The following COX11 variants were observed in gnomAD, a reference collection of about 807,000 sequenced individuals.
COX11 encodes cytochrome c oxidase copper chaperone COX11.
COX11 carries 18 observed loss-of-function variants against 29.4 expected under a neutral mutation model. The ratio of observed to expected loss-of-function variants is 0.61; its 90% CI spans 0.42 to 0.91. The LOEUF is 0.91. Ranked by LOEUF, COX11 falls within the 40% of genes least tolerant of loss-of-function variation. The probability of loss-of-function intolerance (pLI) is 0.00; values close to 1 mark genes in which losing one functional copy is unlikely to be tolerated. For missense variants in COX11, 312 were observed against 346.0 expected (o/e 0.90, Z 0.78); for synonymous variants, 131 against 124.0 (o/e 1.06, Z -0.38).
chr17:54,967,042 G>A (rs8072231), intron 1 of COX11, among the ~76,000 whole-genome samples: 5,336 of 95,992 alleles, frequency 0.056, 343 homozygotes, highest in African/African-American at 0.15. Flanking sequence ...GCGCGCGCGC[G>A]CACACACACA....
chr17:54,963,332 C>G lies in COX11; in HGVS notation c.622G>C (p.Ala208Pro). Residue 208 changes from alanine to proline, a missense_variant, in exon 3 of 4, where the codon GCT becomes CCT. Transcript: ENST00000299335. The part of the protein sequence containing the change: ...ISTYNIVPFE[A>P]GQYFNKIQCF... ...TGTATTTTATTGAAATACTGTCCAGCTTCAAATGGAACAATATTGTATGTA... is the reference window on the plus strand; with the variant it reads ...TGTATTTTATTGAAATACTGTCCAGGTTCAAATGGAACAATATTGTATGTA... 1.9e-6 allele frequency: 3 copies of G among 1,611,664 alleles called. No homozygotes were observed. The highest frequency in any genetic ancestry group is 2.5e-6 in the Non-Finnish European group (3 of 1,178,742).
At chr17:54,967,882 G>A (rs12945393) in intron 1 of COX11, among the ~76,000 whole-genome samples, 77,106 of 151,678 alleles carry the variant, frequency 0.51, 20,204 homozygotes, top group Non-Finnish European at 0.57. Context: ...AGTTACCCTT[G>A]GCACATAAAC....
downstream of COX11, among the ~76,000 whole-genome samples, chr17:54,958,652 C>T (rs1256816301): frequency 6.8e-6 from 1 of 146,724 alleles, no homozygotes; most frequent in Non-Finnish European, 1.5e-5. Context: ...ATCGTTTGAA[C>T]CCAGGAGGTA....
chr17:54,966,548 T>C (rs1387544105), intron 1 of COX11, among the ~76,000 whole-genome samples: 1 of 152,180 alleles, frequency 6.6e-6, no homozygotes. Flanking sequence ...AGCCTCTACC[T>C]ATTAGATGCC....
chr17:54,959,483 AAAAAAG>A (rs1362791375), downstream of COX11: 1 of 152,444 alleles, frequency 6.6e-6, no homozygotes, highest in Admixed American at 6.5e-5. Context: ...CAAAAAAAAG[AAAAAAG>A]AAAAACGAAT....
downstream of COX11, among the ~76,000 whole-genome samples, chr17:54,955,671 C>T (rs1340963027): frequency 3.3e-5 from 5 of 152,014 alleles, no homozygotes; most frequent in South Asian, 2.1e-4. Flanking sequence ...CTTGTTAAAA[C>T]GATGGCGATG....
exon 1 of COX11, chr17:54,955,079 C>T (rs1478451636): frequency 1.3e-5 from 2 of 152,208 alleles, no homozygotes; most frequent in Admixed American, 1.3e-4. Flanking sequence ...TCTACGGTCT[C>T]TGCACACAGT....
At chr17:54,967,060 AC>A (rs2077241262) in intron 1 of COX11, among the ~76,000 whole-genome samples, 4 of 91,244 alleles carry the variant, frequency 4.4e-5, no homozygotes, top group African/African-American at 1.3e-4. Context: ...ACACACACAC[AC>A]ACACACACAC....
Position 54,964,940 on chromosome 17 carries a change from TTATA to T in COX11, c.367-92_367-89del, listed in dbSNP as rs1441986292. ...TAAAAGTTTAAAAACAATGTAGTAT[TTATA>T]ATCCATTTGGAGCCAAGTTTACATA... is the stretch of plus-strand genomic sequence containing the variant. On this transcript the variant is annotated intron_variant, in intron 1 of 3. Transcript: ENST00000299335. 8 of 1,313,014 alleles carry T rather than the reference TTATA, an allele frequency of 6.1e-6. No homozygotes were observed. The African/African-American group carries it at 1.2e-4, about 20-fold the overall frequency. The allele number at this position is 1,313,014 out of a possible 1,614,324, so 81.3% of individuals were successfully genotyped here.
chr17:54,952,214 A>T (rs1279046817), exon 1 of COX11: 3 of 152,174 alleles, frequency 2.0e-5, no homozygotes, highest in Non-Finnish European at 4.4e-5. Flanking sequence ...GAAACCAAGT[A>T]ACACTTGGTA....
exon 1 of COX11, chr17:54,954,251 T>C (rs2049379007): frequency 6.6e-6 from 1 of 152,204 alleles, no homozygotes; most frequent in Non-Finnish European, 1.5e-5. Context: ...GGTAGGGTTA[T>C]GTGTGGAGAA....
At chr17:54,963,227 T>A in intron 3 of COX11, 79 bp downstream of exon 3, 1 of 1,464,032 alleles carries the variant, frequency 6.8e-7, no homozygotes, top group Non-Finnish European at 9.3e-7. Flanking sequence ...AATCACAAGA[T>A]CTACTAAAAC....
At chr17:54,965,917 G>A (rs1422158739) in intron 1 of COX11, among the ~76,000 whole-genome samples, 1 of 151,954 alleles carries the variant, frequency 6.6e-6, no homozygotes, top group Non-Finnish European at 1.5e-5. Flanking sequence ...TGGATAATTT[G>A]CCTGTTACTA....
In COX11 at chr17:54,962,340, G is replaced by A; in HGVS notation, c.*393C>T. ...AACATGGTTAGAAGTTCTGGCCTAT[G>A]ACTTGAAACAAATAACCCTGAGCAT... On this transcript the variant is annotated 3_prime_UTR_variant, in exon 4 of 4. Transcript: ENST00000299335. 1 of 989,004 alleles carries A rather than the reference G, an allele frequency of 1.0e-6. No individual in the cohort carries two copies. The highest frequency in any genetic ancestry group is 1.1e-4 in the East Asian group (1 of 8,902). The allele number at this position is 989,004 out of a possible 1,614,324, so 61.3% of individuals were successfully genotyped here.
upstream of COX11, among the ~76,000 whole-genome samples, chr17:54,955,396 T>C (rs374185482): frequency 1.5e-3 from 227 of 152,306 alleles, 7 homozygotes; most frequent in South Asian, 0.046. Flanking sequence ...TTTGTATCAC[T>C]GCATTCTGGT....
chr17:54,954,086 CA>C (rs1340540936), exon 1 of COX11: 2 of 152,080 alleles, frequency 1.3e-5, no homozygotes, highest in Non-Finnish European at 2.9e-5. Flanking sequence ...ACTGGGGTCC[CA>C]GTTTGGGTTG....
At chr17:54,954,447 G>A (rs1383209873) in exon 1 of COX11, 1 of 152,252 alleles carries the variant, frequency 6.6e-6, no homozygotes, top group Non-Finnish European at 1.5e-5. Flanking sequence ...CACTATGAGT[G>A]GTGCTCCCTG....
Position 54,961,280 on chromosome 17 carries a change from C to G in COX11, c.*1453G>C. 1 of 1,551,522 alleles carries G rather than the reference C, an allele frequency of 6.4e-7. No individual in the cohort carries two copies. The highest frequency in any genetic ancestry group is 8.7e-7 in the Non-Finnish European group (1 of 1,146,886). The stretch of plus-strand genomic sequence containing the variant: ...CACTACCACATCAAAGGTGCCAACT[C>G]TCTAAAACGTAGACTCTGTGCAGCT... On this transcript the variant is annotated 3_prime_UTR_variant, in exon 4 of 4. Coordinates refer to ENST00000299335, the MANE Select transcript of COX11 (RefSeq NM_004375.5).
downstream of COX11, among the ~76,000 whole-genome samples, chr17:54,960,364 C>CA (rs992887896): frequency 4.9e-4 from 73 of 147,866 alleles, no homozygotes; most frequent in African/African-American, 1.4e-3. Flanking sequence ...GACTCTGTCT[C>CA]AAAAAAAAAG....
Sources: allele counts gnomAD v4.1 joint callset (sites outside exome capture counted in the v4.1 genomes callset), GRCh38; gene constraint gnomAD v4.1.1; transcripts MANE v1.5; gene names NCBI Gene and HGNC (gene_info 2026-07-23, HGNC 2026-07-21).